Variants in RBFOX1 observed in about 807,000 individuals in gnomAD.
RBFOX1 encodes RNA binding fox-1 homolog 1, also known as RNA binding protein fox-1 homolog 1.
A neutral mutation model predicts 57.7 loss-of-function variants in RBFOX1; 8 were observed. That is an observed-to-expected ratio of 0.14 (90% CI 0.08 to 0.25). RBFOX1 has a LOEUF of 0.25. Ranked by LOEUF, RBFOX1 falls within the 10% of genes least tolerant of loss-of-function variation. RBFOX1 has a pLI of 1.00. For synonymous variants in RBFOX1, 326 were observed against 222.4 expected (o/e 1.47, Z -4.15); for missense variants, 611 against 548.5 (o/e 1.11, Z -1.14).
At chr16:6,831,808 C>T (rs2092727585) in intron 3 of RBFOX1, among the ~76,000 whole-genome samples, 1 of 152,094 alleles carries the variant, frequency 6.6e-6, no homozygotes, top group Admixed American at 6.6e-5. Flanking sequence ...AGAACAAGAC[C>T]CAGCACTTGG....
intron 4 of RBFOX1, among the ~76,000 whole-genome samples, chr16:7,343,672 A>G (rs1236047049): frequency 6.6e-6 from 1 of 152,138 alleles, no homozygotes; most frequent in Non-Finnish European, 1.5e-5. Context: ...GAAGTAATAT[A>G]TCTTAGGGAG....
intron 1 of RBFOX1, among the ~76,000 whole-genome samples, chr16:5,346,323 A>G (rs558489662): frequency 2.0e-5 from 3 of 152,340 alleles, no homozygotes; most frequent in African/African-American, 7.2e-5. Flanking sequence ...CATCTTCAGC[A>G]CTCAGAAAAT....
chr16:7,226,670 C>G (rs1462271114), intron 4 of RBFOX1, among the ~76,000 whole-genome samples: 1 of 152,174 alleles, frequency 6.6e-6, no homozygotes, highest in East Asian at 1.9e-4. Flanking sequence ...GTCTTTCAGA[C>G]TTAATTTCTA....
intron 1 of RBFOX1, among the ~76,000 whole-genome samples, chr16:5,416,774 C>CA (rs2151476373): frequency 6.6e-6 from 1 of 152,100 alleles, no homozygotes; most frequent in South Asian, 2.1e-4. Context: ...CTCATTCATG[C>CA]AGATAGGAAC....
At chr16:7,643,052 C>A (rs2063113042) in intron 11 of RBFOX1, among the ~76,000 whole-genome samples, 2 of 152,328 alleles carry the variant, frequency 1.3e-5, no homozygotes, top group South Asian at 2.1e-4. Context: ...TTGGATTAAT[C>A]TAGCCATTTA....
intron 3 of RBFOX1, among the ~76,000 whole-genome samples, chr16:6,918,937 T>C (rs1013825139): frequency 5.3e-5 from 8 of 152,136 alleles, no homozygotes; most frequent in African/African-American, 1.9e-4. Flanking sequence ...CGCAGGGTCC[T>C]ATTTCAAACA....
At chr16:6,611,411 T>C (rs2098050865) in intron 2 of RBFOX1, among the ~76,000 whole-genome samples, 1 of 152,208 alleles carries the variant, frequency 6.6e-6, no homozygotes, top group Admixed American at 6.5e-5. Flanking sequence ...CCTCCCAAAG[T>C]GCTGGGATGT....
intron 2 of RBFOX1, among the ~76,000 whole-genome samples, chr16:6,455,304 A>G (rs376158700): frequency 6.6e-6 from 1 of 152,206 alleles, no homozygotes; most frequent in East Asian, 1.9e-4. Flanking sequence ...ACCACGATGT[A>G]TTGCCAAAGC....
chr16:6,981,487 G>T (rs755693454), intron 3 of RBFOX1, among the ~76,000 whole-genome samples: 1 of 152,140 alleles, frequency 6.6e-6, no homozygotes, highest in South Asian at 2.1e-4. Flanking sequence ...TCTTTATCCA[G>T]TGTATTAGTC....
chr16:6,682,254 A>G (rs1178275735), intron 3 of RBFOX1, among the ~76,000 whole-genome samples: 1 of 152,176 alleles, frequency 6.6e-6, no homozygotes, highest in Non-Finnish European at 1.5e-5. Flanking sequence ...TCCCACTCTC[A>G]GATAGGAAGC....
intron 3 of RBFOX1, among the ~76,000 whole-genome samples, chr16:5,827,173 G>A (rs2056088751): frequency 6.6e-6 from 1 of 152,016 alleles, no homozygotes; most frequent in Non-Finnish European, 1.5e-5. Flanking sequence ...AGGCCGAGGT[G>A]GGTGGATCAT....
intron 2 of RBFOX1, among the ~76,000 whole-genome samples, chr16:6,435,834 T>C (rs1276018928): frequency 6.6e-6 from 1 of 152,174 alleles, no homozygotes; most frequent in Non-Finnish European, 1.5e-5. Flanking sequence ...AAACAGTAGA[T>C]GGACTTATCT....
At chr16:6,779,687 A>G (rs1240072643) in intron 3 of RBFOX1, among the ~76,000 whole-genome samples, 1 of 131,298 alleles carries the variant, frequency 7.6e-6, no homozygotes, top group African/African-American at 2.8e-5. Flanking sequence ...ATTATTGCCT[A>G]TCTTTATTTA....
At chr16:6,679,555 C>A (rs1318302067) in intron 3 of RBFOX1, among the ~76,000 whole-genome samples, 1 of 152,104 alleles carries the variant, frequency 6.6e-6, no homozygotes, top group Non-Finnish European at 1.5e-5. Context: ...CAGTCATACC[C>A]CTCTCTTCTA....
intron 3 of RBFOX1, among the ~76,000 whole-genome samples, chr16:5,684,895 T>C (rs1326395855): frequency 3.9e-5 from 6 of 152,246 alleles, no homozygotes; most frequent in African/African-American, 1.2e-4. Flanking sequence ...TGCACTTGAG[T>C]TCCAGGCATC....
chr16:6,164,252 A>G (rs938465172), intron 1 of RBFOX1, among the ~76,000 whole-genome samples: 2 of 152,172 alleles, frequency 1.3e-5, no homozygotes, highest in South Asian at 2.1e-4. Flanking sequence ...TCTTTGAATT[A>G]TATGTAATGT....
intron 2 of RBFOX1, among the ~76,000 whole-genome samples, chr16:6,653,547 GACA>G (rs1385848795): frequency 6.6e-6 from 1 of 151,858 alleles, no homozygotes; most frequent in Non-Finnish European, 1.5e-5. Flanking sequence ...TTCGTACCAG[GACA>G]ACAAGAAAAT....
At chr16:5,630,228 G>C (rs1017562112) in intron 3 of RBFOX1, among the ~76,000 whole-genome samples, 2 of 152,186 alleles carry the variant, frequency 1.3e-5, no homozygotes, top group African/African-American at 4.8e-5. Context: ...AGGTCAAAGT[G>C]AGTGGATCAC....
chr16:5,376,967 C>G lies in RBFOX1; in HGVS notation c.220-90249C>G, dbSNP rs191491907. 2.1e-3 allele frequency among the ~76,000 whole-genome samples: 315 copies of G among 150,746 alleles called. 21 individuals are homozygous for G. Among genetic ancestry groups the G allele is most frequent in the African/African-American group, 7.1e-3 (288 of 40,476 alleles). ...ACTGGCTTCCCTCCCTTCTCCAAGT[C>G]TCTTCTGCACTCAGGGGCTTACCTG... On this transcript the variant is annotated intron_variant, in intron 1 of 2. Transcript: ENST00000585867.
Sources: allele counts gnomAD v4.1 joint callset (sites outside exome capture counted in the v4.1 genomes callset), GRCh38; gene constraint gnomAD v4.1.1; transcripts MANE v1.5; gene names NCBI Gene and HGNC (gene_info 2026-07-23, HGNC 2026-07-21).